The following TNNT3 variants were observed in gnomAD, a reference collection of about 807,000 sequenced individuals.
TNNT3 encodes the protein troponin T3, fast skeletal type, also known as troponin T, fast skeletal muscle.
In TNNT3, 36 loss-of-function variants were observed where a neutral mutation model predicts 54.2. That is an observed-to-expected ratio of 0.66 (90% CI 0.51 to 0.88). The LOEUF is 0.88. Among genes scored for constraint, TNNT3 ranks in the 40% least tolerant of loss-of-function variants. The probability of loss-of-function intolerance (pLI) is 0.00; values close to 1 mark genes in which losing one functional copy is unlikely to be tolerated. For synonymous variants in TNNT3, 120 were observed against 109.7 expected (o/e 1.09, Z -0.59); for missense variants, 291 against 331.6 (o/e 0.88, Z 0.95).
intron 5 of TNNT3, among the ~76,000 whole-genome samples, chr11:1,926,152 G>T (rs1291658440): frequency 1.3e-5 from 2 of 152,202 alleles, no homozygotes; most frequent in Non-Finnish European, 2.9e-5. Context: ...GACAGGGGAT[G>T]GGGGCGAGCA....
chr11:1,932,432 G>A (rs753601998), intron 8 of TNNT3, 37 bp from the exon 9 acceptor site: 27 of 1,610,098 alleles, frequency 1.7e-5, no homozygotes, highest in Middle Eastern at 1.8e-4. Context: ...GTGGGTCTCC[G>A]GGTCTCTGCT....
intron 6 of TNNT3, 122 bp from the exon 7 acceptor site, chr11:1,928,998 A>C (rs1852446860): frequency 1.8e-6 from 2 of 1,119,176 alleles, no homozygotes; most frequent in Non-Finnish European, 2.6e-6. Context: ...ACCCTGGAGA[A>C]GAGAGTGTCC....
chr11:1,927,088 G>A (rs1227751020), intron 6 of TNNT3, among the ~76,000 whole-genome samples: 1 of 152,182 alleles, frequency 6.6e-6, no homozygotes, highest in Non-Finnish European at 1.5e-5. Flanking sequence ...AAGAGCGCAG[G>A]AGAGGCCTCC....
chr11:1,928,964 G>T (rs1489195966), intron 6 of TNNT3, 156 bp from the exon 7 acceptor site: 1 of 862,148 alleles, frequency 1.2e-6, no homozygotes, highest in Non-Finnish European at 1.9e-6. Flanking sequence ...CCAGCTTGGG[G>T]CACTTGTAGG....
Position 1,933,961 on chromosome 11 carries a change from C to T in TNNT3, c.319C>T (p.Gln107Ter). Residue 107 changes from glutamine (Q) to a stop codon, truncating the protein, a stop_gained, in exon 11 of 16, where the codon CAG (glutamine) becomes TAG (stop). Transcript: ENST00000278317. LOFTEE classifies it high-confidence loss of function. Reference protein sequence around the residue: ...EKRRAERAEQQRIRAEKERER... With the variant: ...EKRRAERAEQ The stretch of plus-strand genomic sequence containing the variant: ...GCGCCGTGCAGAGAGAGCGGAGCAG[C>T]AGAGGATTCGTGCAGAGAAGGAGAG... 2 of 1,612,720 alleles carry T rather than the reference C, an allele frequency of 1.2e-6. No homozygotes were observed. Among genetic ancestry groups the T allele is most frequent in the South Asian group, 2.2e-5 (2 of 91,068 alleles).
chr11:1,923,262 G>A (rs569755157), intron 3 of TNNT3, among the ~76,000 whole-genome samples: 1 of 152,084 alleles, frequency 6.6e-6, no homozygotes, highest in African/African-American at 2.4e-5. Flanking sequence ...TGGCCACATG[G>A]TCCTGAGGGG....
At chr11:1,922,530 CA>C (rs1247859580) in intron 1 of TNNT3, among the ~76,000 whole-genome samples, 5 of 152,158 alleles carry the variant, frequency 3.3e-5, no homozygotes, top group Admixed American at 2.6e-4. Flanking sequence ...CAGGGGACGC[CA>C]CGGAGAGGAT....
rs1351379123 is a variant in TNNT3, at chr11:1,936,092, G to A, written c.682-871G>A. On this transcript the variant is annotated intron_variant, in intron 14 of 15. Coordinates refer to ENST00000278317, the MANE Select transcript of TNNT3 (RefSeq NM_006757.4). ...GACCCACTGGCTTTGGATAGATGCG[G>A]CCACAGCGGGCCCCCAGGGGCTCCA... is the stretch of plus-strand genomic sequence containing the variant. The A allele has an allele frequency of 4.6e-6, 5 of 1,078,748 alleles. No homozygotes were observed. The Admixed American group carries it at 5.7e-5, about 12-fold the overall frequency. The allele number at this position is 1,078,748 out of a possible 1,614,324, so 66.8% of individuals were successfully genotyped here.
intron 15 of TNNT3, 40 bp from the exon 16 acceptor site, chr11:1,938,398 A>G (rs758244571): frequency 1.2e-6 from 2 of 1,607,050 alleles, no homozygotes; most frequent in Non-Finnish European, 8.5e-7. Flanking sequence ...GCATGGCCAG[A>G]GGCCCTGACC....
chr11:1,924,936 G>A (rs1444624209), intron 4 of TNNT3, 163 bp from the exon 5 acceptor site: 1 of 762,950 alleles, frequency 1.3e-6, no homozygotes, highest in South Asian at 1.5e-5. Context: ...CAGAGATGCA[G>A]GACTGAGCCC....
intron 15 of TNNT3, among the ~76,000 whole-genome samples, chr11:1,937,213 G>C (rs761886287): frequency 6.6e-6 from 1 of 152,128 alleles, no homozygotes; most frequent in Non-Finnish European, 1.5e-5. Flanking sequence ...GGAGCCCTGG[G>C]GGGTGGCAGA....
intron 1 of TNNT3, among the ~76,000 whole-genome samples, chr11:1,920,868 C>T (rs1187728514): frequency 2.0e-5 from 3 of 152,158 alleles, no homozygotes; most frequent in African/African-American, 7.2e-5. Context: ...GCAACAGAGG[C>T]AATGACACAG....
intron 1 of TNNT3, among the ~76,000 whole-genome samples, chr11:1,920,295 G>A (rs1043913950): frequency 1.3e-5 from 2 of 152,196 alleles, no homozygotes; most frequent in Non-Finnish European, 2.9e-5. Flanking sequence ...TGGCCAGCCC[G>A]AGTGTGTTGG....
intron 6 of TNNT3, among the ~76,000 whole-genome samples, chr11:1,927,566 G>A (rs914149732): frequency 6.6e-6 from 1 of 152,198 alleles, no homozygotes; most frequent in African/African-American, 2.4e-5. Flanking sequence ...CATGCAGGGA[G>A]GTGTCCAGGA....
Position 1,924,311 on chromosome 11 carries a change from G to A in TNNT3, c.49+739G>A, listed in dbSNP as rs1447918188. Among the ~76,000 whole-genome samples, 3 of 152,110 alleles carry A rather than the reference G, an allele frequency of 2.0e-5. No homozygotes were observed. In the East Asian group the frequency reaches 5.8e-4, roughly 30 times the overall value. ...GTCTGTGGGCGTCTCCATCGTGCCC[G>A]GGCAGGCGTGGGCGGGTGTGGGCGC... On this transcript the variant is annotated intron_variant, in intron 4 of 15. Coordinates refer to ENST00000278317, the MANE Select transcript of TNNT3 (RefSeq NM_006757.4).
chr11:1,929,530 C>G (rs991795241), intron 7 of TNNT3, among the ~76,000 whole-genome samples: 1 of 152,236 alleles, frequency 6.6e-6, no homozygotes, highest in African/African-American at 2.4e-5. Context: ...AAGGACGCGG[C>G]CTGTCTCGCT....
At chr11:1,931,526 C>A (rs907301254) in intron 8 of TNNT3, among the ~76,000 whole-genome samples, 2 of 152,216 alleles carry the variant, frequency 1.3e-5, no homozygotes, top group Non-Finnish European at 1.5e-5. Flanking sequence ...AACAGTCACT[C>A]GGGGCCAGCG....
chr11:1,929,783 TC>T, intron 7 of TNNT3, 26 bp from the exon 8 acceptor site: 1 of 1,551,986 alleles, frequency 6.4e-7, no homozygotes, highest in Non-Finnish European at 8.7e-7. Flanking sequence ...GGTGTCCCTC[TC>T]CCTACGCTGG....
At chr11:1,937,638 A>G (rs1351724520) in intron 15 of TNNT3, among the ~76,000 whole-genome samples, 1 of 152,156 alleles carries the variant, frequency 6.6e-6, no homozygotes, top group Non-Finnish European at 1.5e-5. Flanking sequence ...CATTTCCCCA[A>G]GGATCGCAGT....
Sources: allele counts gnomAD v4.1 joint callset (sites outside exome capture counted in the v4.1 genomes callset), GRCh38; gene constraint gnomAD v4.1.1; transcripts MANE v1.5; gene names NCBI Gene and HGNC (gene_info 2026-07-23, HGNC 2026-07-21).